PAK3: variants seen among roughly 807,000 people sequenced by gnomAD.
The protein encoded by PAK3 is p21 (RAC1) activated kinase 3, also known as serine/threonine-protein kinase PAK 3.
Under a neutral mutation model 41.0 loss-of-function variants are expected in PAK3, and 4 were observed. The ratio of observed to expected loss-of-function variants is 0.10; its 90% CI spans 0.05 to 0.22. The LOEUF (loss-of-function observed/expected upper bound fraction) is 0.22. Among genes scored for constraint, PAK3 ranks in the 10% least tolerant of loss-of-function variants. The pLI, the probability that PAK3 is intolerant of heterozygous loss-of-function variation, is 1.00. For missense variants in PAK3, 205 were observed against 409.9 expected, an observed-to-expected ratio of 0.50 and a Z score of 4.32; for synonymous variants, 146 against 139.6, an observed-to-expected ratio of 1.05 and a Z score of -0.32.
At chrX:111,056,234 C>G (rs1603036571) in intron 1 of PAK3, among the ~76,000 whole-genome samples, 1 of 111,160 alleles carries the variant, frequency 9.0e-6, no homozygotes, top group East Asian at 2.8e-4. Flanking sequence ...TAAGCAAGCC[C>G]CCAAGCCAGC....
At chrX:111,159,733 A>G (rs2094147704) in intron 8 of PAK3, among the ~76,000 whole-genome samples, 1 of 112,380 alleles carries the variant, frequency 8.9e-6, no homozygotes, top group Non-Finnish European at 1.9e-5. Context: ...GCTATACAAT[A>G]TAATAGCCCA....
At chrX:111,131,380 G>T (rs17320868) in intron 5 of PAK3, among the ~76,000 whole-genome samples, 4 of 111,025 alleles carry the variant, frequency 3.6e-5, no homozygotes, top group Admixed American at 2.9e-4. Flanking sequence ...ATATGTATTC[G>T]CCCAAGATGC....
At chrX:110,983,480 C>CAGAGAGAG (rs768492408) in intron 1 of PAK3, among the ~76,000 whole-genome samples, 18 of 99,642 alleles carry the variant, frequency 1.8e-4, no homozygotes, top group South Asian at 1.0e-3. Flanking sequence ...AAGAGAAAGA[C>CAGAGAGAG]AGAGAGAGAG....
At chrX:111,068,081 T>A (rs1345020677) in intron 1 of PAK3, among the ~76,000 whole-genome samples, 1 of 111,648 alleles carries the variant, frequency 9.0e-6, no homozygotes, top group African/African-American at 3.2e-5. Context: ...TAGTATTATT[T>A]TATTTTTAAT....
intron 16 of PAK3, among the ~76,000 whole-genome samples, chrX:111,204,905 T>C (rs2149359242): frequency 1.1e-5 from 1 of 87,931 alleles, no homozygotes; most frequent in African/African-American, 4.3e-5. Flanking sequence ...TTGTAAAGAA[T>C]TACCCTCACG....
chrX:111,181,032 G>C (rs2094456828), intron 11 of PAK3, among the ~76,000 whole-genome samples: 1 of 111,477 alleles, frequency 9.0e-6, no homozygotes, highest in South Asian at 3.7e-4. Flanking sequence ...GTGCCGGTTT[G>C]CCTGCACCTT....
At chrX:110,955,259 G>C (rs1221594090) in intron 1 of PAK3, among the ~76,000 whole-genome samples, 1 of 111,941 alleles carries the variant, frequency 8.9e-6, no homozygotes, top group Non-Finnish European at 1.9e-5. Flanking sequence ...CACTTTGACT[G>C]TAGTATAGGG....
chrX:111,188,982 GCAT>G (rs1195383058), intron 11 of PAK3, among the ~76,000 whole-genome samples: 1 of 111,327 alleles, frequency 9.0e-6, no homozygotes, highest in Non-Finnish European at 1.9e-5. Context: ...TGGGTATATT[GCAT>G]AATGCTGAGG....
rs780099863 is a variant in PAK3, at chrX:111,192,535, G to A, written c.909G>A (p.Gln303=). 4.3e-6 allele frequency: 5 copies of A among 1,165,205 alleles called. No individual in the cohort carries two copies. In the African/African-American group the frequency reaches 7.1e-5, roughly 17 times the overall value. ...CCATAAAGCAGATGAACCTTCAACAGCAACCCAAGAAGGAATTAATTATTA... is the reference window on the plus strand; with the variant it reads ...CCATAAAGCAGATGAACCTTCAACAACAACCCAAGAAGGAATTAATTATTA... ...EVAIKQMNLQ[Q]QPKKELIINE... is the part of the protein sequence containing the mutation. Residue 303 remains glutamine (Q), a synonymous_variant, in exon 13 of 18, where the codon CAG becomes CAA. Transcript: ENST00000372007.
intron 1 of PAK3, among the ~76,000 whole-genome samples, chrX:110,955,213 C>T (rs965457938): frequency 1.7e-4 from 19 of 112,186 alleles, no homozygotes; most frequent in African/African-American, 6.2e-4. Flanking sequence ...TCCTTAAACC[C>T]TAACCTAATG....
chrX:111,013,117 A>G (rs756851503), intron 1 of PAK3, among the ~76,000 whole-genome samples: 12 of 112,423 alleles, frequency 1.1e-4, no homozygotes, highest in Non-Finnish European at 2.3e-4. Context: ...TTCTGCTCAC[A>G]TGCCACTTTC....
intron 3 of PAK3, among the ~76,000 whole-genome samples, chrX:111,099,098 C>T (rs2093070885): frequency 8.9e-6 from 1 of 112,338 alleles, no homozygotes; most frequent in Admixed American, 9.3e-5. Context: ...ATAATAGCCA[C>T]ACATTTAAAA....
chrX:110,988,793 G>A (rs1390914322), intron 1 of PAK3, among the ~76,000 whole-genome samples: 5 of 111,815 alleles, frequency 4.5e-5, no homozygotes, highest in African/African-American at 1.3e-4. Flanking sequence ...AAATGTAAGG[G>A]CAAGTTAGGG....
At chrX:111,096,784 A>G (rs1367942918) in intron 1 of PAK3, 1 of 2,033 alleles carries the variant, frequency 4.9e-4, no homozygotes, top group Non-Finnish European at 9.2e-4. Flanking sequence ...ACCCAGCCCC[A>G]GTAGCTGTGA....
chrX:111,112,577 T>C (rs2093395635), intron 4 of PAK3, among the ~76,000 whole-genome samples: 1 of 110,509 alleles, frequency 9.0e-6, no homozygotes, highest in African/African-American at 3.3e-5. Flanking sequence ...TAGCTACCCT[T>C]CTTCCACTGT....
chrX:111,199,443 CT>C (rs915380172), intron 16 of PAK3, among the ~76,000 whole-genome samples: 3 of 109,499 alleles, frequency 2.7e-5, no homozygotes, highest in South Asian at 3.9e-4. Flanking sequence ...ATACATGTAG[CT>C]TTTTTTTTAA....
chrX:111,014,882 G>A (rs776237014), intron 1 of PAK3, among the ~76,000 whole-genome samples: 115 of 111,372 alleles, frequency 1.0e-3, no homozygotes, highest in African/African-American at 3.4e-3. Flanking sequence ...AAGCAGCCCA[G>A]GAAATAAATT....
At chrX:111,054,741 A>T (rs1174221437) in intron 1 of PAK3, among the ~76,000 whole-genome samples, 1 of 111,259 alleles carries the variant, frequency 9.0e-6, no homozygotes, top group Admixed American at 9.5e-5. Flanking sequence ...AAATACTTCC[A>T]TATCTATTGA....
chrX:111,170,102 C>T (rs975863860), intron 10 of PAK3, among the ~76,000 whole-genome samples: 1 of 110,305 alleles, frequency 9.1e-6, no homozygotes, highest in Non-Finnish European at 1.9e-5. Flanking sequence ...TGATGGGAGC[C>T]CAACTAAAGC....
Sources: gnomAD v4.1 joint callset for allele counts (sites outside exome capture counted in the v4.1 genomes callset) on GRCh38, gnomAD v4.1.1 for gene constraint, MANE v1.5 for transcripts, NCBI Gene and HGNC (gene_info 2026-07-23, HGNC 2026-07-21) for gene names.